Variants in TXLNA observed in about 807,000 individuals in gnomAD.
TXLNA encodes the protein alpha-taxilin.
Under a neutral mutation model 61.4 loss-of-function variants are expected in TXLNA, and 9 were observed. The ratio of observed to expected loss-of-function variants is 0.15; its 90% confidence interval spans 0.09 to 0.26. TXLNA has a LOEUF of 0.26. Among genes scored for constraint, TXLNA ranks in the 10% least tolerant of loss-of-function variants. TXLNA has a pLI of 1.00. For synonymous variants in TXLNA, 257 were observed against 267.7 expected (o/e 0.96, Z 0.39); for missense variants, 565 against 688.8 (o/e 0.82, Z 2.01).
intron 2 of TXLNA, 75 bp from the exon 3 acceptor site, chr1:32,181,167 C>T: frequency 7.6e-7 from 1 of 1,310,756 alleles, no homozygotes; most frequent in Non-Finnish European, 1.0e-6. Flanking sequence ...ATGAGTTTGG[C>T]TGGGCCTGAA....
rs1290765310 is a variant in TXLNA at position 32,192,223 on chromosome 1, G to A, written c.964-88G>A. Reference sequence around the variant, plus strand: ...TCATATCAGATTGAGATGGGGGGCTGGGCAAAGTGCCCTGGTCTGTGGCTG... The same window carrying A: ...TCATATCAGATTGAGATGGGGGGCTAGGCAAAGTGCCCTGGTCTGTGGCTG... On this transcript the variant is annotated intron_variant, in intron 6 of 10. Transcript: ENST00000373610. The surrounding 1 kb of genome is among the most constrained non-coding windows in gnomAD (Gnocchi z 4.2). The A allele has an allele frequency of 6.4e-6, 10 of 1,556,642 alleles. No individual in the cohort carries two copies. Among genetic ancestry groups the A allele is most frequent in the African/African-American group, 1.4e-5 (1 of 73,630 alleles).
chr1:32,194,204 A>T, intron 10 of TXLNA, 44 bp downstream of exon 10: 1 of 1,498,062 alleles, frequency 6.7e-7, no homozygotes, highest in African/African-American at 1.4e-5. Flanking sequence ...GTGTGCACTT[A>T]GCGCATATCA....
chr1:32,183,145 A>G (rs551431342), intron 3 of TXLNA, among the ~76,000 whole-genome samples: 2 of 151,034 alleles, frequency 1.3e-5, no homozygotes, highest in Middle Eastern at 3.4e-3. Flanking sequence ...CCCAACTGAG[A>G]TGGAGTCTTG....
chr1:32,194,536 GTTTT>G (rs200022145), intron 10 of TXLNA, among the ~76,000 whole-genome samples: 1 of 151,880 alleles, frequency 6.6e-6, no homozygotes, highest in Non-Finnish European at 1.5e-5. Flanking sequence ...AAGTTTTTGG[GTTTT>G]TTTTGTCTTT....
intron 6 of TXLNA, among the ~76,000 whole-genome samples, chr1:32,191,341 A>G (rs1310924799): frequency 6.6e-6 from 1 of 152,112 alleles, no homozygotes; most frequent in Non-Finnish European, 1.5e-5. Flanking sequence ...TCTTAGGTTC[A>G]TAGGCCAAAG....
chr1:32,188,202 T>G, intron 5 of TXLNA, 78 bp downstream of exon 5: 1 of 1,455,744 alleles, frequency 6.9e-7, no homozygotes, highest in East Asian at 2.5e-5. Flanking sequence ...GGCTTTCCTC[T>G]TAAAAAGTAG....
At position 32,182,382 on chromosome 1, in the gene TXLNA, C is replaced by T. The variant is rs1008444456; in HGVS notation, c.505+805C>T. ...GGTATGTATGTTTAAGAGTCTAGGC[C>T]GGGTGTGGTGGCTCACGCCTGTAAT... On this transcript the variant is annotated intron_variant, in intron 3 of 10. Coordinates refer to ENST00000373610, the MANE Select transcript of TXLNA (RefSeq NM_175852.4). Among the ~76,000 whole-genome samples the T allele has an allele frequency of 3.3e-5, 5 of 151,902 alleles. 1 individual carries two copies. The South Asian group carries it at 6.2e-4, about 19-fold the overall frequency.
Position 32,194,952 on chromosome 1 carries a change from G to T in TXLNA, c.1398G>T (p.Arg466=), listed in dbSNP as rs759249224. Residue 466 remains arginine, a synonymous_variant, in exon 11 of 11, where the codon CGG becomes CGT. Transcript: ENST00000373610. The part of the protein sequence containing the change: ...ELEGLQVKIQ[R]LEKLCRALQT... ...AGGGCCTGCAGGTAAAAATCCAACG[G>T]CTGGAGAAGCTGTGCCGGGCACTGC... The T allele has an allele frequency of 1.9e-6, 3 of 1,613,928 alleles. No homozygotes were observed. Among genetic ancestry groups the T allele is most frequent in the Non-Finnish European group, 2.5e-6 (3 of 1,179,936 alleles).
At position 32,180,378 on chromosome 1, in the gene TXLNA, C is replaced by G; in HGVS notation, c.33C>G (p.Ala11=). 6.2e-7 allele frequency: 1 copy of G among 1,613,852 alleles called. No individual in the cohort carries two copies. The change falls in exon 2 of 11, where the codon GCC becomes GCG. Residue 11 remains alanine (A), a synonymous_variant. Coordinates refer to ENST00000373610, the MANE Select transcript of TXLNA (RefSeq NM_175852.4). The part of the protein sequence containing the change: MKNQDKKNGA[A]KQSNPKSSPG... ...ACCAAGACAAAAAGAACGGGGCTGC[C>G]AAACAATCCAATCCAAAAAGCAGCC...
intron 4 of TXLNA, among the ~76,000 whole-genome samples, chr1:32,185,035 A>T (rs1642751089): frequency 6.6e-6 from 1 of 152,128 alleles, no homozygotes; most frequent in South Asian, 2.1e-4. Flanking sequence ...ATTGACTTTT[A>T]ACAGAAACTA....
At chr1:32,194,872 C>T (rs41311211) in intron 10 of TXLNA, 30 bp from the exon 11 acceptor site, 65,537 of 1,568,690 alleles carry the variant, frequency 0.042, 1,490 homozygotes, top group Non-Finnish European at 0.048. Context: ...TGATGGGGCA[C>T]GGCACTGAAG....
At chr1:32,185,691 C>A (rs1216755506) in intron 4 of TXLNA, among the ~76,000 whole-genome samples, 2 of 133,678 alleles carry the variant, frequency 1.5e-5, no homozygotes, top group African/African-American at 5.6e-5. Flanking sequence ...TGAGCCACCA[C>A]GCCTGGCCTA....
rs1213037218 is a variant in TXLNA at position 32,195,882 on chromosome 1, A to C, written c.*687A>C. The C allele has an allele frequency of 4.7e-6, 2 of 422,278 alleles. No homozygotes were observed. The highest frequency in any genetic ancestry group is 9.6e-6 in the Non-Finnish European group (2 of 209,112). The allele number at this position is 422,278 out of a possible 1,614,324, so 26.2% of individuals were successfully genotyped here. On this transcript the variant is annotated 3_prime_UTR_variant, in exon 11 of 11. Coordinates refer to ENST00000373610, the MANE Select transcript of TXLNA (RefSeq NM_175852.4). The stretch of plus-strand genomic sequence containing the variant: ...GCCAATGATGCTTCTCAGTAGCCTT[A>C]TCATTCACAGGTGCCTCTCTAGCCT...
chr1:32,198,242 T>C lies in TXLNA; in HGVS notation c.*3047T>C, dbSNP rs1282026074. ...ATTCACAACAGCCAGGGACTTGATT[T>C]TGATGTATTTTAAACCACATTAAAT... is the stretch of plus-strand genomic sequence containing the variant. On this transcript the variant is annotated 3_prime_UTR_variant, in exon 11 of 11. Transcript: ENST00000373610. The C allele has an allele frequency of 1.3e-5, 2 of 152,270 alleles. No individual in the cohort carries two copies. The highest frequency in any genetic ancestry group is 2.9e-5 in the Non-Finnish European group (2 of 68,056). The allele number at this position is 152,270 out of a possible 1,614,324, so 9.4% of individuals were successfully genotyped here.
At chr1:32,191,787 C>T (rs186086610) in intron 6 of TXLNA, among the ~76,000 whole-genome samples, 17 of 152,362 alleles carry the variant, frequency 1.1e-4, no homozygotes, top group African/African-American at 3.4e-4. Context: ...GCACCTGAGT[C>T]CTTCACCTTC....
intron 10 of TXLNA, 98 bp from the exon 11 acceptor site, chr1:32,194,804 G>T (rs1211772201): frequency 9.1e-6 from 13 of 1,427,502 alleles, no homozygotes; most frequent in Middle Eastern, 2.2e-4. Context: ...TTTGGACTCG[G>T]TCTGCTCTCA....
chr1:32,185,762 G>A lies in TXLNA; in HGVS notation c.597+1146G>A, dbSNP rs188892447. 2.6e-3 allele frequency among the ~76,000 whole-genome samples: 398 copies of A among 150,548 alleles called. 1 individual carries two copies. The highest frequency in any genetic ancestry group is 9.4e-3 in the African/African-American group (384 of 40,874). ...TCACCAGGCTGGAGTGCAGTGGCGC[G>A]ATCTCGGCTCATTGCAACCTCCACC... On this transcript the variant is annotated intron_variant, in intron 4 of 10. Transcript: ENST00000373610.
intron 10 of TXLNA, among the ~76,000 whole-genome samples, 161 bp downstream of exon 10, chr1:32,194,321 G>A (rs1042398900): frequency 2.0e-5 from 3 of 152,186 alleles, no homozygotes; most frequent in African/African-American, 7.2e-5. Flanking sequence ...CTCTCCCCAT[G>A]GGAGGTGGTG....
chr1:32,184,584 C>T lies in TXLNA; in HGVS notation c.565C>T (p.Leu189=). 9 of 1,613,730 alleles carry T rather than the reference C, an allele frequency of 5.6e-6. No individual in the cohort carries two copies. Among genetic ancestry groups the T allele is most frequent in the Non-Finnish European group, 7.6e-6 (9 of 1,179,634 alleles). The change falls in exon 4 of 11, where the codon CTG becomes TTG. Residue 189 remains leucine (L), a synonymous_variant. Coordinates refer to ENST00000373610, the MANE Select transcript of TXLNA (RefSeq NM_175852.4). ...LNTLSTPEEK[L]AALCKKYAEL... Reference sequence around the variant, plus strand: ...TACTCTGAGTACCCCAGAGGAGAAGCTGGCTGCTCTGTGCAAGAAGTATGC... The same window carrying T: ...TACTCTGAGTACCCCAGAGGAGAAGTTGGCTGCTCTGTGCAAGAAGTATGC...
Sources: gnomAD v4.1 joint callset for allele counts (sites outside exome capture counted in the v4.1 genomes callset) on GRCh38, gnomAD v4.1.1 for gene constraint, Gnocchi (gnomAD v3.1) non-coding constraint, MANE v1.5 for transcripts, NCBI Gene and HGNC (gene_info 2026-07-23, HGNC 2026-07-21) for gene names.